Variants in PROM1 observed in about 807,000 individuals in gnomAD.
PROM1 encodes the protein prominin 1.
PROM1 carries 105 observed loss-of-function variants against 116.9 expected under a neutral mutation model. The observed-to-expected ratio is 0.90, with a 90% CI of 0.77 to 1.06. The LOEUF (loss-of-function observed/expected upper bound fraction) is 1.06, where lower values mean the gene tolerates loss of function less well. Among genes scored for constraint, PROM1 ranks in the 50% least tolerant of loss-of-function variants. The pLI is 0.00. For synonymous variants in PROM1, 393 were observed against 387.0 expected, an observed-to-expected ratio of 1.02 and a Z score of -0.18; for missense variants, 1,122 against 1,045.2, an observed-to-expected ratio of 1.07 and a Z score of -1.01.
rs1237507807 is a variant in PROM1, at chr4:16,078,956, C to A, written c.-212-2838G>T. On this transcript the variant is annotated intron_variant, in intron 1 of 27. Coordinates refer to ENST00000447510, the MANE Select transcript of PROM1 (RefSeq NM_006017.3). ...CTCAGATCCCAAGTGGCTGCCAGTA[C>A]TAACCTCAGGCCCACGCTTCAGGTT... Among the ~76,000 whole-genome samples, 4 of 152,236 alleles carry A rather than the reference C, an allele frequency of 2.6e-5. No homozygotes were observed. The East Asian group carries it at 5.8e-4, about 22-fold the overall frequency.
intron 13 of PROM1, 83 bp from the exon 14 acceptor site, chr4:16,000,702 T>C: frequency 5.0e-6 from 6 of 1,195,046 alleles, no homozygotes; most frequent in Non-Finnish European, 6.8e-6. Context: ...ACCTATACTC[T>C]ATAAAATAGC....
intron 8 of PROM1, among the ~76,000 whole-genome samples, chr4:16,021,574 A>G (rs1357590382): frequency 6.6e-6 from 1 of 152,220 alleles, no homozygotes; most frequent in Non-Finnish European, 1.5e-5. Context: ...AAACAAAAAG[A>G]TCTTGTTCAA....
At chr4:16,071,288 C>T (rs553849552) in intron 2 of PROM1, among the ~76,000 whole-genome samples, 2 of 152,300 alleles carry the variant, frequency 1.3e-5, no homozygotes, top group Admixed American at 6.5e-5. Context: ...AAATGCTTGT[C>T]CAACAAATGA....
intron 8 of PROM1, among the ~76,000 whole-genome samples, chr4:16,021,947 G>T (rs1730011111): frequency 6.6e-6 from 1 of 152,084 alleles, no homozygotes; most frequent in South Asian, 2.1e-4. Context: ...AGGTCATAAG[G>T]GTGGGTCCCT....
chr4:16,009,664 G>A (rs1726393666), intron 11 of PROM1, among the ~76,000 whole-genome samples: 1 of 152,056 alleles, frequency 6.6e-6, no homozygotes, highest in Non-Finnish European at 1.5e-5. Flanking sequence ...TCAGGGCCGG[G>A]CACAGTGGCT....
intron 14 of PROM1, among the ~76,000 whole-genome samples, chr4:15,998,747 G>T (rs1722941552): frequency 6.6e-6 from 1 of 151,028 alleles, no homozygotes; most frequent in South Asian, 2.1e-4. Context: ...ACAGAGTCTT[G>T]CTCTGTTGCC....
At chr4:16,016,321 T>C in intron 9 of PROM1, 81 bp from the exon 10 acceptor site, 1 of 1,143,274 alleles carries the variant, frequency 8.7e-7, no homozygotes. Flanking sequence ...TCATTGTATA[T>C]TCCAAGTCCC....
At position 15,981,530 on chromosome 4, in the gene PROM1, C is replaced by T. The variant is rs1372880880; in HGVS notation, c.2374-993G>A. On this transcript the variant is annotated intron_variant, in intron 23 of 27. Transcript: ENST00000447510. ...GAGGTTGCAGTGAACCGAGATTGCACCACTGCACTCCAGCCTGGGCAACAG... is the reference window on the plus strand; with the variant it reads ...GAGGTTGCAGTGAACCGAGATTGCATCACTGCACTCCAGCCTGGGCAACAG... Among the ~76,000 whole-genome samples, 3 of 151,360 alleles carry T rather than the reference C, an allele frequency of 2.0e-5. No homozygotes were observed. In the East Asian group the frequency reaches 5.9e-4, roughly 30 times the overall value.
intron 11 of PROM1, among the ~76,000 whole-genome samples, chr4:16,011,005 T>C (rs1378434206): frequency 2.6e-5 from 4 of 152,156 alleles, no homozygotes; most frequent in Admixed American, 2.0e-4. Context: ...AGTGGGTCTC[T>C]TGGTTACTTC....
chr4:15,971,688 C>T (rs1714590740), intron 26 of PROM1: 1 of 152,396 alleles, frequency 6.6e-6, no homozygotes, highest in Non-Finnish European at 1.5e-5. Flanking sequence ...AACTCTGGCA[C>T]ACCCTGCCCG....
chr4:16,004,194 A>C (rs1294943480), intron 13 of PROM1, among the ~76,000 whole-genome samples: 1 of 152,208 alleles, frequency 6.6e-6, no homozygotes, highest in Non-Finnish European at 1.5e-5. Flanking sequence ...GACTGGTTGC[A>C]TTCAACAATA....
At chr4:16,050,757 G>T (rs1330737931) in intron 2 of PROM1, among the ~76,000 whole-genome samples, 1 of 152,186 alleles carries the variant, frequency 6.6e-6, no homozygotes, top group Non-Finnish European at 1.5e-5. Flanking sequence ...TTATTCTGAT[G>T]CAAAAAAATT....
chr4:16,025,753 A>AC (rs1731115637), intron 5 of PROM1, among the ~76,000 whole-genome samples: 2 of 151,564 alleles, frequency 1.3e-5, no homozygotes, highest in Admixed American at 1.3e-4. Context: ...CTGCTCCCTG[A>AC]CCCCCCAAAG....
chr4:16,079,497 A>G (rs370340396), intron 1 of PROM1: 24 of 152,332 alleles, frequency 1.6e-4, no homozygotes, highest in Non-Finnish European at 3.1e-4. Context: ...GTCAAGTCAA[A>G]GAGGAAGAGT....
intron 10 of PROM1, among the ~76,000 whole-genome samples, chr4:16,013,712 G>C (rs780296714): frequency 3.9e-5 from 6 of 152,072 alleles, no homozygotes; most frequent in Non-Finnish European, 8.8e-5. Context: ...AGACATTTTG[G>C]TTATCACAGT....
At chr4:16,080,169 G>A (rs1473890246) in intron 1 of PROM1, among the ~76,000 whole-genome samples, 1 of 151,872 alleles carries the variant, frequency 6.6e-6, no homozygotes, top group Admixed American at 6.6e-5. Context: ...TCCAGCCTGG[G>A]CGACCTTACA....
intron 5 of PROM1, 135 bp from the exon 6 acceptor site, chr4:16,025,447 CT>C: frequency 9.2e-7 from 1 of 1,091,332 alleles, no homozygotes; most frequent in East Asian, 2.6e-5. Context: ...CTGCCCTCTC[CT>C]CCCACATCCT....
At chr4:16,041,821 A>T (rs1359311810) in intron 2 of PROM1, among the ~76,000 whole-genome samples, 5 of 149,940 alleles carry the variant, frequency 3.3e-5, no homozygotes, top group Non-Finnish European at 5.9e-5. Flanking sequence ...AGGCTGAGAG[A>T]CAAATTGTGA....
At chr4:16,038,082 C>G (rs1347362979) in intron 3 of PROM1, 1 of 152,184 alleles carries the variant, frequency 6.6e-6, no homozygotes, top group East Asian at 1.9e-4. Context: ...CCCATCCCAC[C>G]GGCTCTGCCC....
Sources: allele counts gnomAD v4.1 joint callset (sites outside exome capture counted in the v4.1 genomes callset), GRCh38; gene constraint gnomAD v4.1.1; transcripts MANE v1.5; gene names NCBI Gene and HGNC (gene_info 2026-07-23, HGNC 2026-07-21).